Variants in SGSM2 observed in about 807,000 individuals in gnomAD.
The protein encoded by SGSM2 is RUN and TBC1 domain containing 1.
A neutral mutation model predicts 126.6 loss-of-function variants in SGSM2; 89 were observed. The observed-to-expected ratio is 0.70, with a 90% CI of 0.59 to 0.84. The LOEUF is 0.84. SGSM2 is among the 40% of genes least tolerant of loss of function. The pLI is 0.00. For missense variants in SGSM2, 1,404 were observed against 1,416.6 expected (o/e 0.99, Z 0.14); for synonymous variants, 614 against 574.3 (o/e 1.07, Z -0.99).
chr17:2,372,914 T>C lies in SGSM2; in HGVS notation c.1789-39T>C, dbSNP rs1234778576. 21 of 1,548,948 alleles carry C rather than the reference T, an allele frequency of 1.4e-5. No individual in the cohort carries two copies. The highest frequency in any genetic ancestry group is 2.4e-5 in the East Asian group (1 of 40,948). ...GCTCACCCAGCTGGGCCACGGTGAC[T>C]GTGGAGGCTGCACAGTCTTGACTCC... On this transcript the variant is annotated intron_variant, in intron 15 of 23. Transcript: ENST00000268989. The surrounding 1 kb of genome is among the most constrained non-coding windows in gnomAD (Gnocchi z 6.0).
In SGSM2 at chr17:2,361,739, G is replaced by C. The variant is rs61733095; in HGVS notation, c.236G>C (p.Cys79Ser). The C allele has an allele frequency of 1.9e-3, 3,091 of 1,613,804 alleles. 51 individuals carry two copies. The African/African-American group carries it at 0.035, about 18-fold the overall frequency. ...AALFTKVGKT[C>S]PVAGEICHKV... ...CTGTTCACCAAGGTGGGGAAGACGTGCCCAGTGGCGGGGGAGATTTGCCAC... is the reference window on the plus strand; with the variant it reads ...CTGTTCACCAAGGTGGGGAAGACGTCCCCAGTGGCGGGGGAGATTTGCCAC... The change falls in exon 3 of 24, where the codon TGC (cysteine) becomes TCC (serine). Residue 79 changes from cysteine (C) to serine (S), a missense_variant. Cys to Ser is a moderately radical substitution (Grantham distance 112, BLOSUM62 -1). Coordinates refer to ENST00000268989, the MANE Select transcript of SGSM2 (RefSeq NM_014853.3).
intron 22 of SGSM2, among the ~76,000 whole-genome samples, chr17:2,378,832 C>T (rs1317505736): frequency 1.3e-5 from 2 of 152,142 alleles, no homozygotes; most frequent in Non-Finnish European, 2.9e-5. Flanking sequence ...GAGAGAATCC[C>T]ACGACTTTGG....
chr17:2,372,199 C>G lies in SGSM2; in HGVS notation c.1587C>G (p.Leu529=), dbSNP rs1168543892. 1.9e-6 allele frequency: 3 copies of G among 1,613,304 alleles called. No homozygotes were observed. Among genetic ancestry groups the G allele is most frequent in the African/African-American group, 1.3e-5 (1 of 75,046 alleles). Reference sequence around the variant, plus strand: ...CCGGTTGTTGCCACAGGTTGCCGCTCAGGCTACTGTGTGAGAGTATGAAGA... The same window carrying G: ...CCGGTTGTTGCCACAGGTTGCCGCTGAGGCTACTGTGTGAGAGTATGAAGA... ...HCSCIPDRLP[L]RLLCESMKRQ... Residue 529 remains leucine (L), a synonymous_variant, in exon 14 of 24, where the codon CTC becomes CTG. Transcript: ENST00000268989. This position sits in a 1 kb window ranked among gnomAD's most constrained non-coding sequence, Gnocchi z 6.0.
At chr17:2,340,817 C>G (rs192728102) in intron 1 of SGSM2, among the ~76,000 whole-genome samples, 1 of 152,168 alleles carries the variant, frequency 6.6e-6, no homozygotes, top group Non-Finnish European at 1.5e-5. Context: ...ATCTCCTGAC[C>G]TCGTGATCCG....
chr17:2,364,571 T>G, intron 8 of SGSM2, 25 bp from the exon 9 acceptor site: 3 of 1,613,442 alleles, frequency 1.9e-6, no homozygotes, highest in Non-Finnish European at 2.5e-6. Flanking sequence ...TTGGACACAG[T>G]GACAGCAGTC....
intron 11 of SGSM2, among the ~76,000 whole-genome samples, chr17:2,365,590 G>C (rs146022433): frequency 6.6e-6 from 1 of 152,234 alleles, no homozygotes; most frequent in Non-Finnish European, 1.5e-5. Context: ...AGACCTAGGC[G>C]TCACTACACA....
rs2151621920 is a variant in SGSM2, at chr17:2,372,662, G to A, written c.1788+174G>A. 9.1e-6 allele frequency: 9 copies of A among 991,826 alleles called. No individual in the cohort carries two copies. The South Asian group carries it at 1.4e-4, about 15-fold the overall frequency. 61.4% of individuals were successfully genotyped at this position (991,826 alleles called of 1,614,324 possible). A position where few individuals can be genotyped will look rare whatever the true frequency, so the allele number is the denominator to read the frequency against. ...CTGGGCCTGGGGCTGACACGGGAAG[G>A]GGGCTGGACTGGGAAGCCGTCCTGC... On this transcript the variant is annotated intron_variant, in intron 15 of 23. Coordinates refer to ENST00000268989, the MANE Select transcript of SGSM2 (RefSeq NM_014853.3). This position sits in a 1 kb window ranked among gnomAD's most constrained non-coding sequence, Gnocchi z 6.0.
In SGSM2 at chr17:2,371,858, CTT is replaced by C. The variant is rs1285012984; in HGVS notation, c.1578-329_1578-328del. On this transcript the variant is annotated intron_variant, in intron 13 of 23. Transcript: ENST00000268989. ...GAATGGCTTTTATGGGAGGTGTTCT[CTT>C]TTACCTTTACTTCGTCTTCCGTTTA... The C allele has an allele frequency of 3.6e-5, 15 of 420,156 alleles. No individual in the cohort carries two copies. The East Asian group carries it at 6.3e-4, about 18-fold the overall frequency. The allele number at this position is 420,156 out of a possible 1,614,324, so 26.0% of individuals were successfully genotyped here.
rs2151595381 is a variant in SGSM2, at chr17:2,367,772, A to G, written c.1423+367A>G. Among the ~76,000 whole-genome samples, 1 of 152,304 alleles carries G rather than the reference A, an allele frequency of 6.6e-6. No homozygotes were observed. Among genetic ancestry groups the G allele is most frequent in the Middle Eastern group, 3.4e-3 (1 of 294 alleles). On this transcript the variant is annotated intron_variant, in intron 12 of 23. Transcript: ENST00000268989. This position sits in a 1 kb window ranked among gnomAD's most constrained non-coding sequence, Gnocchi z 4.0. Reference sequence around the variant, plus strand: ...TCTTCCTTTCTCTCTGCTGATTGGGAAGACCAGCCTCTGGGCCTGGTGCTT... The same window carrying G: ...TCTTCCTTTCTCTCTGCTGATTGGGGAGACCAGCCTCTGGGCCTGGTGCTT...
At chr17:2,378,835 G>A (rs1160412039) in intron 22 of SGSM2, among the ~76,000 whole-genome samples, 4 of 152,144 alleles carry the variant, frequency 2.6e-5, no homozygotes, top group Non-Finnish European at 5.9e-5. Flanking sequence ...AGAATCCCAC[G>A]ACTTTGGCCC....
In SGSM2 at chr17:2,363,986, C is replaced by A; in HGVS notation, c.808-73C>A. The A allele has an allele frequency of 1.9e-6, 3 of 1,596,946 alleles. No individual in the cohort carries two copies. The South Asian group carries it at 3.3e-5, about 18-fold the overall frequency. On this transcript the variant is annotated intron_variant, in intron 7 of 23. Transcript: ENST00000268989. The surrounding 1 kb of genome is among the most constrained non-coding windows in gnomAD (Gnocchi z 4.2). ...TGGCCTCCCCTCCTCCCAGCGGGAG[C>A]TCATTTCTCATAGGCCATCCCTGAG...
chr17:2,379,578 G>A lies in SGSM2; in HGVS notation c.*58G>A, dbSNP rs1163980666. On this transcript the variant is annotated 3_prime_UTR_variant, in exon 24 of 24. Transcript: ENST00000268989. ...CTGGGCTCCGGCAGGGAGAGGTGCA[G>A]GGGAGTCACCGCCCAGACCTCCCCA... is the stretch of plus-strand genomic sequence containing the variant. The A allele has an allele frequency of 8.9e-6, 14 of 1,578,614 alleles. No individual in the cohort carries two copies. Among genetic ancestry groups the A allele is most frequent in the African/African-American group, 1.3e-5 (1 of 74,440 alleles).
At position 2,364,045 on chromosome 17, in the gene SGSM2, G is replaced by A. The variant is rs1456927310; in HGVS notation, c.808-14G>A. On this transcript the variant is annotated splice_polypyrimidine_tract_variant and intron_variant, in intron 7 of 23. Transcript: ENST00000268989. ...AGCCCTTCATCGTCGGTCTTCCGGT[G>A]TCTCCCGCTGTAGAAGGAGGATATG... The A allele has an allele frequency of 1.2e-6, 2 of 1,614,026 alleles. No individual in the cohort carries two copies. Among genetic ancestry groups the A allele is most frequent in the Admixed American group, 1.7e-5 (1 of 60,010 alleles).
chr17:2,376,664 G>A (rs2151638711), intron 19 of SGSM2, 69 bp from the exon 20 acceptor site: 11 of 1,546,764 alleles, frequency 7.1e-6, no homozygotes, highest in East Asian at 2.2e-5. Flanking sequence ...TCTGGAGGAC[G>A]TCTTCCCAGG....
chr17:2,378,905 A>G, intron 22 of SGSM2, 131 bp from the exon 23 acceptor site: 1 of 1,105,826 alleles, frequency 9.0e-7, no homozygotes. Flanking sequence ...CAGTCCGGCC[A>G]GCATCAGCCC....
At chr17:2,364,563 G>A in intron 8 of SGSM2, 33 bp from the exon 9 acceptor site, 1 of 1,611,126 alleles carries the variant, frequency 6.2e-7, no homozygotes. Flanking sequence ...GCAGGTCTTT[G>A]GACACAGTGA....
At chr17:2,368,758 T>C (rs1019070099) in intron 12 of SGSM2, among the ~76,000 whole-genome samples, 1 of 150,148 alleles carries the variant, frequency 6.7e-6, no homozygotes, top group Non-Finnish European at 1.5e-5. Flanking sequence ...CCCTGCCATC[T>C]GGTTTCTTGC....
chr17:2,376,523 C>G (rs1410895909), intron 19 of SGSM2: 2 of 675,788 alleles, frequency 3.0e-6, no homozygotes, highest in Non-Finnish European at 2.5e-6. Flanking sequence ...CCAAGCGTGA[C>G]GGCCTTGGCT....
chr17:2,350,413 C>G (rs546516233), intron 2 of SGSM2, among the ~76,000 whole-genome samples: 227 of 151,596 alleles, frequency 1.5e-3, no homozygotes, highest in East Asian at 2.6e-3. Context: ...AGTTCTAGAC[C>G]AGCCTGGCCA....
Sources: gnomAD v4.1 joint callset for allele counts (sites outside exome capture counted in the v4.1 genomes callset) on GRCh38, gnomAD v4.1.1 for gene constraint, Gnocchi (gnomAD v3.1) non-coding constraint, MANE v1.5 for transcripts, NCBI Gene and HGNC (gene_info 2026-07-23, HGNC 2026-07-21) for gene names.